EXOC4: variants seen among roughly 807,000 people sequenced by gnomAD.
The protein encoded by EXOC4 is SEC8-like 1.
EXOC4 carries 71 observed loss-of-function variants against 107.2 expected under a neutral mutation model. The observed-to-expected ratio is 0.66, with a 90% CI of 0.55 to 0.81. The LOEUF (loss-of-function observed/expected upper bound fraction) is 0.81. Ranked by LOEUF, EXOC4 falls within the 30% of genes least tolerant of loss-of-function variation. EXOC4 has a pLI of 0.00. For missense variants in EXOC4, 1,108 were observed against 1,189.6 expected, an observed-to-expected ratio of 0.93 and a Z score of 1.01; for synonymous variants, 456 against 441.2, an observed-to-expected ratio of 1.03 and a Z score of -0.42.
chr7:134,069,555 T>C (rs867365428), downstream of EXOC4, among the ~76,000 whole-genome samples: 4 of 152,272 alleles, frequency 2.6e-5, no homozygotes, highest in Middle Eastern at 3.4e-3. Context: ...TGGAGTGCAT[T>C]GGCACCATTT....
At chr7:133,445,136 C>T (rs1402680626) in intron 7 of EXOC4, among the ~76,000 whole-genome samples, 3 of 152,034 alleles carry the variant, frequency 2.0e-5, no homozygotes, top group Non-Finnish European at 1.5e-5. Flanking sequence ...CAGCAATTCT[C>T]AAAGTTTTCA....
At chr7:133,313,615 G>C (rs1046407342) in intron 4 of EXOC4, among the ~76,000 whole-genome samples, 10 of 152,204 alleles carry the variant, frequency 6.6e-5, no homozygotes, top group South Asian at 2.1e-4. Context: ...TGAAGGAACA[G>C]AAATATGTTA....
chr7:133,315,462 C>T (rs1013429110), intron 4 of EXOC4: 1 of 152,118 alleles, frequency 6.6e-6, no homozygotes, highest in Non-Finnish European at 1.5e-5. Context: ...CTTTGGGCAT[C>T]TGTATCCAGG....
intron 17 of EXOC4, among the ~76,000 whole-genome samples, chr7:134,059,451 A>G (rs1348403879): frequency 1.3e-5 from 2 of 152,200 alleles, no homozygotes; most frequent in East Asian, 3.8e-4. Flanking sequence ...ATACACGCAT[A>G]CCTACATACA....
the EXOC4 span, among the ~76,000 whole-genome samples, chr7:134,078,825 T>G: frequency 0.024 from 3,701 of 152,340 alleles, 134 homozygotes; most frequent in African/African-American, 0.078. Flanking sequence ...AAACATTAAA[T>G]TATTTTCATA....
At chr7:133,530,116 G>A (rs925181081) in intron 9 of EXOC4, among the ~76,000 whole-genome samples, 2 of 152,186 alleles carry the variant, frequency 1.3e-5, no homozygotes, top group Non-Finnish European at 2.9e-5. Flanking sequence ...TGATTCCAGA[G>A]CTCAGGCTCT....
At chr7:133,351,349 G>T (rs1795905229) in intron 5 of EXOC4, among the ~76,000 whole-genome samples, 1 of 151,876 alleles carries the variant, frequency 6.6e-6, no homozygotes, top group African/African-American at 2.4e-5. Context: ...GAAGATTTTA[G>T]ACTACTTATT....
chr7:133,297,665 T>C (rs1250715080), intron 3 of EXOC4, among the ~76,000 whole-genome samples: 1 of 152,176 alleles, frequency 6.6e-6, no homozygotes, highest in Non-Finnish European at 1.5e-5. Flanking sequence ...AAAAGTGCTT[T>C]GTAGGATATA....
At chr7:133,604,706 C>CCTTCCTTCTTTTTT (rs1191856891) in intron 9 of EXOC4, among the ~76,000 whole-genome samples, 1 of 87,536 alleles carries the variant, frequency 1.1e-5, no homozygotes, top group African/African-American at 4.4e-5. Flanking sequence ...TTCCTTCCTT[C>CCTTCCTTCTTTTTT]TTTCTTTTTT....
At chr7:133,494,175 G>A (rs1049636212) in intron 9 of EXOC4, among the ~76,000 whole-genome samples, 2 of 152,168 alleles carry the variant, frequency 1.3e-5, no homozygotes, top group Non-Finnish European at 2.9e-5. Context: ...ATACGTTGGT[G>A]AGGGAGAGCT....
chr7:133,403,171 T>A (rs1465134273), intron 7 of EXOC4, among the ~76,000 whole-genome samples: 1 of 152,090 alleles, frequency 6.6e-6, no homozygotes, highest in Non-Finnish European at 1.5e-5. Context: ...GCGTGAGCCA[T>A]CGTGCCCGGC....
chr7:133,437,115 A>G (rs1429751165), intron 7 of EXOC4, among the ~76,000 whole-genome samples: 1 of 152,184 alleles, frequency 6.6e-6, no homozygotes, highest in African/African-American at 2.4e-5. Context: ...CGTGTTATCC[A>G]AACATGTTAG....
intron 10 of EXOC4, among the ~76,000 whole-genome samples, chr7:133,715,555 A>G (rs1173801894): frequency 2.6e-5 from 4 of 152,172 alleles, no homozygotes; most frequent in Non-Finnish European, 5.9e-5. Context: ...TAATATAAAA[A>G]GTTATAGTAA....
intron 10 of EXOC4, among the ~76,000 whole-genome samples, chr7:133,697,419 G>T (rs1478691234): frequency 6.6e-6 from 1 of 151,786 alleles, no homozygotes; most frequent in Non-Finnish European, 1.5e-5. Flanking sequence ...TTTTTCCATT[G>T]AGCATTGAAG....
chr7:133,807,694 G>C (rs1280574475), intron 10 of EXOC4, among the ~76,000 whole-genome samples: 1 of 152,034 alleles, frequency 6.6e-6, no homozygotes, highest in Non-Finnish European at 1.5e-5. Flanking sequence ...TTATTATTTT[G>C]TTCTCTGAGT....
chr7:133,901,464 A>G (rs1406683774), intron 12 of EXOC4, among the ~76,000 whole-genome samples: 1 of 152,176 alleles, frequency 6.6e-6, no homozygotes, highest in Non-Finnish European at 1.5e-5. Context: ...GCTCAAGAGC[A>G]GGCCCTACAG....
At chr7:133,281,406 C>A (rs115352486) in intron 2 of EXOC4, among the ~76,000 whole-genome samples, 263 of 148,030 alleles carry the variant, frequency 1.8e-3, no homozygotes, top group Non-Finnish European at 2.9e-3. Context: ...TGGTCTCTTA[C>A]GGCAGGAGAA....
At chr7:133,551,132 C>G (rs1800580165) in intron 9 of EXOC4, among the ~76,000 whole-genome samples, 1 of 152,110 alleles carries the variant, frequency 6.6e-6, no homozygotes, top group African/African-American at 2.4e-5. Flanking sequence ...CATTGGTTCT[C>G]CTCCTCTAGT....
At chr7:134,010,275 A>T (rs1418807664) in intron 17 of EXOC4, 1 of 152,182 alleles carries the variant, frequency 6.6e-6, no homozygotes, top group African/African-American at 2.4e-5. Context: ...GTGGATGAAG[A>T]CCTTGGATAT....
Sources: allele counts gnomAD v4.1 joint callset (sites outside exome capture counted in the v4.1 genomes callset), GRCh38; gene constraint gnomAD v4.1.1; transcripts MANE v1.5; gene names NCBI Gene and HGNC (gene_info 2026-07-23, HGNC 2026-07-21).